Variants in NRXN1 observed in about 807,000 individuals in gnomAD.
NRXN1 encodes neurexin-1.
NRXN1 carries 39 observed loss-of-function variants against 150.9 expected under a neutral mutation model. That is an observed-to-expected ratio of 0.26 (90% CI 0.20 to 0.34). The LOEUF is 0.34. NRXN1 is among the 10% of genes least tolerant of loss of function. The probability of loss-of-function intolerance (pLI) is 1.00; values close to 1 mark genes in which losing one functional copy is unlikely to be tolerated. For missense variants in NRXN1, 1,815 were observed against 1,949.9 expected (o/e 0.93, Z 1.30); for synonymous variants, 924 against 757.0 (o/e 1.22, Z -3.62).
intron 5 of NRXN1, chr2:50,918,900 C>G (rs766552976): frequency 4.4e-5 from 8 of 183,018 alleles, no homozygotes; most frequent in Non-Finnish European, 6.7e-5. Flanking sequence ...CCACAACCAG[C>G]AAAAGTAAGG....
intron 17 of NRXN1, among the ~76,000 whole-genome samples, chr2:50,356,302 C>T (rs1429656648): frequency 6.6e-6 from 1 of 152,150 alleles, no homozygotes; most frequent in African/African-American, 2.4e-5. Context: ...CTTCTAGTAG[C>T]TCAATTCAAA....
At chr2:50,584,323 T>G (rs1023439134) in intron 8 of NRXN1, among the ~76,000 whole-genome samples, 5 of 152,190 alleles carry the variant, frequency 3.3e-5, no homozygotes, top group African/African-American at 1.2e-4. Context: ...GTTGTTTGTG[T>G]GGCCATATGT....
chr2:50,888,619 T>A lies in NRXN1; in HGVS notation c.832+33250A>T, dbSNP rs1364858279. On this transcript the variant is annotated intron_variant, in intron 5 of 22. Coordinates refer to ENST00000401669, the MANE Select transcript of NRXN1 (RefSeq NM_001330078.2). ...CTCTGCAGAAAATCATGAACTGCAA[T>A]AACTGTAATCCACCATTAGCTTCAG... Among the ~76,000 whole-genome samples, 5 of 151,758 alleles carry A rather than the reference T, an allele frequency of 3.3e-5. No homozygotes were observed. The East Asian group carries it at 9.7e-4, about 30-fold the overall frequency.
chr2:50,111,674 T>C (rs1183678562), intron 18 of NRXN1, among the ~76,000 whole-genome samples: 1 of 152,024 alleles, frequency 6.6e-6, no homozygotes, highest in Non-Finnish European at 1.5e-5. Flanking sequence ...CTCATGGGTC[T>C]GCACTATGGA....
At chr2:50,400,395 T>TG (rs1196741836) in intron 17 of NRXN1, among the ~76,000 whole-genome samples, 1 of 152,018 alleles carries the variant, frequency 6.6e-6, no homozygotes, top group Non-Finnish European at 1.5e-5. Flanking sequence ...GGAGTGCTAT[T>TG]GGGGGGTAGG....
chr2:50,811,525 C>T (rs1160750529), intron 5 of NRXN1, among the ~76,000 whole-genome samples: 3 of 152,136 alleles, frequency 2.0e-5, no homozygotes, highest in Non-Finnish European at 4.4e-5. Context: ...GTTTTTCCTA[C>T]TTATGAAAAT....
chr2:50,672,150 CTATT>C (rs1688947387), intron 5 of NRXN1, among the ~76,000 whole-genome samples: 1 of 151,802 alleles, frequency 6.6e-6, no homozygotes, highest in African/African-American at 2.4e-5. Flanking sequence ...TCTCTGTTGA[CTATT>C]TACAGCATTT....
chr2:50,509,062 T>C (rs1355972518), intron 12 of NRXN1, among the ~76,000 whole-genome samples: 3 of 152,134 alleles, frequency 2.0e-5, no homozygotes, highest in African/African-American at 7.2e-5. Context: ...TTGCTTCACC[T>C]TTACATTATT....
chr2:50,181,722 TG>T (rs2060730258), intron 18 of NRXN1, among the ~76,000 whole-genome samples: 1 of 152,130 alleles, frequency 6.6e-6, no homozygotes, highest in Non-Finnish European at 1.5e-5. Flanking sequence ...ATGAGAATAA[TG>T]GATAAGAAAA....
At chr2:50,501,994 T>C (rs2091972699) in intron 13 of NRXN1, among the ~76,000 whole-genome samples, 1 of 152,220 alleles carries the variant, frequency 6.6e-6, no homozygotes, top group Admixed American at 6.5e-5. Flanking sequence ...TCTGACTTGC[T>C]GTAAAATTTA....
At chr2:50,910,268 C>A (rs77605217) in intron 5 of NRXN1, among the ~76,000 whole-genome samples, 2 of 151,916 alleles carry the variant, frequency 1.3e-5, no homozygotes, top group African/African-American at 2.4e-5. Context: ...TTTGACTCAT[C>A]ATTAGACACC....
intron 5 of NRXN1, among the ~76,000 whole-genome samples, chr2:50,719,451 T>G (rs926814000): frequency 1.3e-5 from 2 of 151,848 alleles, no homozygotes; most frequent in Non-Finnish European, 2.9e-5. Context: ...CCGAGGCAAG[T>G]GGATCATGAG....
At chr2:50,115,538 C>G (rs1168593495) in intron 18 of NRXN1, among the ~76,000 whole-genome samples, 1 of 151,960 alleles carries the variant, frequency 6.6e-6, no homozygotes, top group Non-Finnish European at 1.5e-5. Flanking sequence ...TGGTGAATAA[C>G]TTCCTCAAGG....
chr2:50,404,191 T>C (rs1227468282), intron 17 of NRXN1, among the ~76,000 whole-genome samples: 1 of 151,996 alleles, frequency 6.6e-6, no homozygotes, highest in Non-Finnish European at 1.5e-5. Context: ...GTTGTTGTTG[T>C]TGTTGTTGTT....
At chr2:49,927,490 C>T (rs919606157) in intron 22 of NRXN1, among the ~76,000 whole-genome samples, 1 of 152,184 alleles carries the variant, frequency 6.6e-6, no homozygotes, top group Non-Finnish European at 1.5e-5. Context: ...CAATGATTCA[C>T]AACTGAAGTG....
intron 8 of NRXN1, among the ~76,000 whole-genome samples, chr2:50,586,912 T>A (rs1442319838): frequency 2.6e-5 from 4 of 152,226 alleles, no homozygotes; most frequent in Non-Finnish European, 4.4e-5. Context: ...TGCTAGAAAA[T>A]AAAATGTCTA....
chr2:50,981,837 G>A (rs961211199), intron 2 of NRXN1, among the ~76,000 whole-genome samples: 2 of 116,058 alleles, frequency 1.7e-5, no homozygotes, highest in South Asian at 2.9e-4. Flanking sequence ...GTGTGTGTGT[G>A]TGTGTATGTG....
At chr2:50,066,964 G>A (rs940231899) in intron 19 of NRXN1, among the ~76,000 whole-genome samples, 12 of 152,124 alleles carry the variant, frequency 7.9e-5, no homozygotes, top group African/African-American at 2.7e-4. Flanking sequence ...ACAGGAAGAG[G>A]GGGTGGTGCA....
At chr2:50,319,145 G>C (rs576728058) in intron 17 of NRXN1, among the ~76,000 whole-genome samples, 1 of 152,146 alleles carries the variant, frequency 6.6e-6, no homozygotes, top group South Asian at 2.1e-4. Context: ...TCATATATTT[G>C]CATAGTGTCA....
Sources: allele counts gnomAD v4.1 joint callset (sites outside exome capture counted in the v4.1 genomes callset), GRCh38; gene constraint gnomAD v4.1.1; transcripts MANE v1.5; gene names NCBI Gene and HGNC (gene_info 2026-07-23, HGNC 2026-07-21).